Variants in JAK1 observed in about 807,000 individuals in gnomAD.
JAK1 encodes tyrosine-protein kinase JAK1.
A neutral mutation model predicts 136.6 loss-of-function variants in JAK1; 16 were observed. That is an observed-to-expected ratio of 0.12 (90% CI 0.08 to 0.18). JAK1 has a LOEUF of 0.18. Ranked by LOEUF, JAK1 falls within the 10% of genes least tolerant of loss-of-function variation. JAK1 has a pLI of 1.00. For synonymous variants in JAK1, 492 were observed against 519.5 expected (o/e 0.95, Z 0.72); for missense variants, 859 against 1,450.1 (o/e 0.59, Z 6.62).
intron 1 of JAK1, among the ~76,000 whole-genome samples, chr1:64,938,228 A>T (rs973181474): frequency 6.6e-6 from 1 of 152,032 alleles, no homozygotes; most frequent in African/African-American, 2.4e-5. Context: ...AAGTTCAATT[A>T]TACAAAGATA....
chr1:64,874,349 G>A (rs142996910), intron 4 of JAK1, among the ~76,000 whole-genome samples: 4 of 151,804 alleles, frequency 2.6e-5, no homozygotes, highest in South Asian at 4.2e-4. Context: ...AAAAACTGAC[G>A]AACTGTGTAG....
intron 1 of JAK1, among the ~76,000 whole-genome samples, chr1:65,045,008 T>A (rs772903275): frequency 1.3e-5 from 2 of 152,212 alleles, no homozygotes; most frequent in African/African-American, 2.4e-5. Flanking sequence ...AATCTAGTGG[T>A]CCCTAAATAA....
intron 1 of JAK1, among the ~76,000 whole-genome samples, chr1:64,896,382 A>G (rs1450386135): frequency 2.0e-5 from 3 of 152,220 alleles, no homozygotes; most frequent in African/African-American, 7.2e-5. Context: ...GGGATGGGAT[A>G]CACTACAGAC....
chr1:65,051,309 G>A (rs1037908790), intron 1 of JAK1, among the ~76,000 whole-genome samples: 2 of 151,906 alleles, frequency 1.3e-5, no homozygotes, highest in African/African-American at 4.8e-5. Context: ...CATAAAAAAG[G>A]GTGTCTATAT....
At chr1:65,032,443 C>T (rs978440937) in intron 2 of JAK1, among the ~76,000 whole-genome samples, 8 of 152,164 alleles carry the variant, frequency 5.3e-5, no homozygotes, top group Middle Eastern at 3.4e-3. Flanking sequence ...TACAGCGAGC[C>T]CTTTTGCAAA....
chr1:64,970,305 G>T (rs1646439858), upstream of JAK1, among the ~76,000 whole-genome samples: 1 of 151,418 alleles, frequency 6.6e-6, no homozygotes, highest in African/African-American at 2.4e-5. Context: ...GTTGGGCATG[G>T]TGGTGGGCAC....
At chr1:64,859,950 G>C (rs1438339492) in intron 9 of JAK1, 155 bp downstream of exon 9, 5 of 521,662 alleles carry the variant, frequency 9.6e-6, no homozygotes, top group Non-Finnish European at 1.6e-5. Flanking sequence ...AGGAAGGCCT[G>C]ACCAGAGCTT....
chr1:64,860,691 T>G (rs1241159867), intron 8 of JAK1, among the ~76,000 whole-genome samples: 1 of 151,998 alleles, frequency 6.6e-6, no homozygotes, highest in Admixed American at 6.6e-5. Flanking sequence ...TGACCTCGAG[T>G]GATCTCCCAC....
At chr1:64,908,071 A>G (rs1645221281) in intron 1 of JAK1, among the ~76,000 whole-genome samples, 1 of 152,230 alleles carries the variant, frequency 6.6e-6, no homozygotes, top group African/African-American at 2.4e-5. Context: ...AAAGTAGACT[A>G]CTGACCTCCT....
intron 1 of JAK1, among the ~76,000 whole-genome samples, chr1:64,912,581 T>C (rs191480678): frequency 6.6e-6 from 1 of 152,342 alleles, no homozygotes; most frequent in Non-Finnish European, 1.5e-5. Flanking sequence ...GCACTTACTA[T>C]GCCACTAACA....
rs1654284611 is a variant in JAK1 at position 64,833,704 on chromosome 1, A to AAT, written c.*857_*858insAT. Reference sequence around the variant, plus strand: ...GGTATTCAGACTGGTTGCATACAGCATTCAAAACCAGTGCTGGAATAGCTT... The same window carrying AAT: ...GGTATTCAGACTGGTTGCATACAGCAATTTCAAAACCAGTGCTGGAATAGCTT... On this transcript the variant is annotated 3_prime_UTR_variant, in exon 25 of 25. Transcript: ENST00000342505. 2.1e-5 allele frequency: 5 copies of AAT among 232,988 alleles called. No homozygotes were observed. The highest frequency in any genetic ancestry group is 1.1e-4 in the African/African-American group (5 of 45,346). 14.4% of individuals were successfully genotyped at this position (232,988 alleles called of 1,614,324 possible).
intron 1 of JAK1, among the ~76,000 whole-genome samples, chr1:64,943,824 A>G (rs1645932038): frequency 1.5e-5 from 1 of 68,558 alleles, no homozygotes; most frequent in Non-Finnish European, 3.0e-5. Context: ...TAACATATGT[A>G]GCTTTAATAA....
At chr1:65,044,002 G>A (rs181787848) in intron 2 of JAK1, among the ~76,000 whole-genome samples, 68 of 152,128 alleles carry the variant, frequency 4.5e-4, no homozygotes, top group East Asian at 1.4e-3. Flanking sequence ...GATTACAGAC[G>A]TGAGTCACCG....
chr1:64,862,806 G>C (rs1359409431), intron 8 of JAK1, among the ~76,000 whole-genome samples: 1 of 152,244 alleles, frequency 6.6e-6, no homozygotes, highest in Non-Finnish European at 1.5e-5. Context: ...AAAATGCACA[G>C]GCAGGAACCA....
At chr1:64,857,945 G>A (rs766057825) in intron 9 of JAK1, among the ~76,000 whole-genome samples, 166 bp from the exon 10 acceptor site, 8 of 152,164 alleles carry the variant, frequency 5.3e-5, no homozygotes, top group Admixed American at 2.0e-4. Flanking sequence ...TGAGCGTAGC[G>A]GAAATACCGA....
intron 1 of JAK1, among the ~76,000 whole-genome samples, chr1:65,058,024 T>C (rs995065602): frequency 6.6e-6 from 1 of 152,210 alleles, no homozygotes; most frequent in Admixed American, 6.5e-5. Flanking sequence ...TTCAACATAT[T>C]GGGCTTTTTT....
intron 2 of JAK1, among the ~76,000 whole-genome samples, chr1:64,883,744 A>C (rs1644811319): frequency 6.6e-6 from 1 of 152,110 alleles, no homozygotes; most frequent in Admixed American, 6.5e-5. Flanking sequence ...TATTTTCAAA[A>C]ATCAGAATAA....
At position 64,879,170 on chromosome 1, in the gene JAK1, C is replaced by T. The variant is rs756641292; in HGVS notation, c.206-22G>A. ...ATACCTGAGGAAAAGTAAAAAAACA[C>T]ATCAGAAAATCAAGGCGGATACATT... On this transcript the variant is annotated intron_variant, in intron 3 of 24. Transcript: ENST00000342505. 7 of 1,612,936 alleles carry T rather than the reference C, an allele frequency of 4.3e-6. 1 individual carries two copies. The Admixed American group carries it at 6.7e-5, about 15-fold the overall frequency.
intron 1 of JAK1, among the ~76,000 whole-genome samples, chr1:64,938,920 T>A (rs1274254433): frequency 7.9e-5 from 12 of 152,198 alleles, no homozygotes; most frequent in Admixed American, 7.9e-4. Context: ...TAATTAATAG[T>A]TAATAATTAA....
Sources: gnomAD v4.1 joint callset for allele counts (sites outside exome capture counted in the v4.1 genomes callset) on GRCh38, gnomAD v4.1.1 for gene constraint, MANE v1.5 for transcripts, NCBI Gene and HGNC (gene_info 2026-07-23, HGNC 2026-07-21) for gene names.